The following ELP4 variants were observed in gnomAD, a reference collection of about 807,000 sequenced individuals.
ELP4 encodes elongator acetyltransferase complex subunit 4.
A neutral mutation model predicts 48.9 loss-of-function variants in ELP4; 51 were observed. The observed-to-expected ratio is 1.04, with a 90% confidence interval of 0.83 to 1.32. ELP4 has a LOEUF of 1.32. Ranked by LOEUF, ELP4 falls within the 40% of genes most tolerant of loss-of-function variation. ELP4 has a pLI of 0.00. For missense variants in ELP4, 519 were observed against 514.6 expected, an observed-to-expected ratio of 1.01 and a Z score of -0.08; for synonymous variants, 210 against 189.2, an observed-to-expected ratio of 1.11 and a Z score of -0.90.
chr11:31,688,376 A>G (rs1946207010), intron 9 of ELP4, among the ~76,000 whole-genome samples: 1 of 152,220 alleles, frequency 6.6e-6, no homozygotes, highest in Non-Finnish European at 1.5e-5. Context: ...TTAGCTAAAA[A>G]TAATTGACCT....
chr11:31,547,429 A>G lies in ELP4; in HGVS notation c.381+7646A>G, dbSNP rs1478450397. 3.9e-5 allele frequency among the ~76,000 whole-genome samples: 6 copies of G among 152,340 alleles called. No individual in the cohort carries two copies. In the East Asian group the frequency reaches 9.6e-4, roughly 24 times the overall value. ...TTGACACATACACTCTCCCAAGACT[A>G]AACCAGGAGGAAGTTGAATCTCTGA... On this transcript the variant is annotated intron_variant, in intron 3 of 9. Transcript: ENST00000640961.
chr11:31,594,600 C>T (rs1465541473), intron 3 of ELP4, among the ~76,000 whole-genome samples, 170 bp from the exon 4 acceptor site: 1 of 151,918 alleles, frequency 6.6e-6, no homozygotes, highest in African/African-American at 2.4e-5. Flanking sequence ...TTGTATTATA[C>T]TTGTTTTCTC....
At chr11:31,596,859 G>A (rs1312418896) in intron 4 of ELP4, among the ~76,000 whole-genome samples, 2 of 151,952 alleles carry the variant, frequency 1.3e-5, no homozygotes, top group East Asian at 3.9e-4. Context: ...GCAGAAATAT[G>A]AAAAGGAAAT....
chr11:31,648,232 A>G (rs2134070816), intron 8 of ELP4: 1 of 154,844 alleles, frequency 6.5e-6, no homozygotes, highest in South Asian at 2.0e-4. Context: ...CCATATGATA[A>G]GATACATACT....
intron 5 of ELP4, 102 bp downstream of exon 5, chr11:31,604,009 A>G (rs1159170830): frequency 2.6e-6 from 2 of 775,076 alleles, no homozygotes; most frequent in Non-Finnish European, 3.8e-6. Context: ...GGTAAATATC[A>G]TAATAATAAA....
intron 9 of ELP4, among the ~76,000 whole-genome samples, chr11:31,781,417 T>C (rs1948372606): frequency 6.6e-6 from 1 of 150,550 alleles, no homozygotes; most frequent in African/African-American, 2.5e-5. Context: ...TGGACACTGA[T>C]AGAATTAACC....
chr11:31,549,596 A>C (rs1307378527), intron 3 of ELP4, among the ~76,000 whole-genome samples: 1 of 151,776 alleles, frequency 6.6e-6, no homozygotes, highest in East Asian at 1.9e-4. Flanking sequence ...TCAGGGATCT[A>C]GAACTAGAAA....
chr11:31,584,848 T>A (rs888748718), intron 3 of ELP4, among the ~76,000 whole-genome samples: 1 of 152,164 alleles, frequency 6.6e-6, no homozygotes, highest in East Asian at 1.9e-4. Flanking sequence ...TATTCAGAGG[T>A]AGAATGATGA....
intron 9 of ELP4, among the ~76,000 whole-genome samples, chr11:31,708,244 A>C (rs16922421): frequency 0.021 from 3,137 of 152,090 alleles, 102 homozygotes; most frequent in African/African-American, 0.072. Context: ...TATATCCTTA[A>C]AGCATCATGA....
intron 9 of ELP4, among the ~76,000 whole-genome samples, chr11:31,676,995 A>G (rs1294217103): frequency 6.6e-6 from 1 of 152,224 alleles, no homozygotes; most frequent in Non-Finnish European, 1.5e-5. Context: ...ATAGTGACAA[A>G]GGGTATAATT....
chr11:31,737,765 TC>T (rs1371837388), intron 9 of ELP4, among the ~76,000 whole-genome samples: 2 of 152,200 alleles, frequency 1.3e-5, no homozygotes, highest in East Asian at 1.9e-4. Flanking sequence ...GAAATGCAAA[TC>T]AAAATCATAA....
chr11:31,568,303 A>G (rs1337761070), intron 3 of ELP4, among the ~76,000 whole-genome samples: 6 of 152,204 alleles, frequency 3.9e-5, no homozygotes, highest in African/African-American at 1.4e-4. Context: ...GACACAAATG[A>G]AAAAGTCTTC....
intron 3 of ELP4, among the ~76,000 whole-genome samples, chr11:31,553,692 C>T (rs1167623759): frequency 1.3e-5 from 2 of 150,338 alleles, no homozygotes; most frequent in East Asian, 3.9e-4. Context: ...TTATATGAGA[C>T]AGTTTCTTAC....
intron 4 of ELP4, among the ~76,000 whole-genome samples, chr11:31,603,111 T>C (rs1565075194): frequency 1.3e-5 from 2 of 152,034 alleles, no homozygotes; most frequent in African/African-American, 4.8e-5. Flanking sequence ...AGAGGAATTA[T>C]CAATGAACCA....
chr11:31,737,719 G>A (rs780750905), intron 9 of ELP4, among the ~76,000 whole-genome samples: 4 of 152,008 alleles, frequency 2.6e-5, no homozygotes, highest in Non-Finnish European at 5.9e-5. Flanking sequence ...TGGCCAAAAC[G>A]TATAGGAAAA....
intron 3 of ELP4, among the ~76,000 whole-genome samples, chr11:31,555,056 G>C (rs1452825248): frequency 6.6e-6 from 1 of 152,044 alleles, no homozygotes; most frequent in Non-Finnish European, 1.5e-5. Context: ...TAGTCAAAGC[G>C]CCTGTATGCT....
At chr11:31,621,944 C>T (rs1405678442) in intron 5 of ELP4, among the ~76,000 whole-genome samples, 3 of 151,784 alleles carry the variant, frequency 2.0e-5, no homozygotes, top group Non-Finnish European at 2.9e-5. Flanking sequence ...CCTTAATTGT[C>T]GCACAGCCTT....
rs189137728 is a variant in ELP4, at chr11:31,553,715, T to C, written c.381+13932T>C. Among the ~76,000 whole-genome samples, 315 of 118,722 alleles carry C rather than the reference T, an allele frequency of 2.7e-3. 6 individuals are homozygous for C. In the Admixed American group the frequency reaches 0.028, roughly 11 times the overall value. The allele number at this position is 118,722 out of a possible 152,430, so 77.9% of individuals were successfully genotyped here. A position where few individuals can be genotyped will look rare whatever the true frequency, so the allele number is the denominator to read the frequency against. On this transcript the variant is annotated intron_variant, in intron 3 of 9. Coordinates refer to ENST00000640961, the MANE Select transcript of ELP4 (RefSeq NM_019040.5). ...GACAGTTTCTTACAATAAATCTCTT[T>C]GCACACACAAACACACACACACACA...
At chr11:31,719,682 A>G (rs538117245) in intron 9 of ELP4, 32 of 384,568 alleles carry the variant, frequency 8.3e-5, no homozygotes, top group Non-Finnish European at 1.4e-4. Flanking sequence ...CATAAGAATT[A>G]TATCTCATTA....
Sources: allele counts gnomAD v4.1 joint callset (sites outside exome capture counted in the v4.1 genomes callset), GRCh38; gene constraint gnomAD v4.1.1; transcripts MANE v1.5; gene names NCBI Gene and HGNC (gene_info 2026-07-23, HGNC 2026-07-21).